The following GABRB1 variants were observed in gnomAD, a reference collection of about 807,000 sequenced individuals.
GABRB1 encodes gamma-aminobutyric acid type A receptor subunit beta1, also known as gamma-aminobutyric acid receptor subunit beta-1.
Under a neutral mutation model 51.6 loss-of-function variants are expected in GABRB1, and 17 were observed. The ratio of observed to expected loss-of-function variants is 0.33; its 90% CI spans 0.23 to 0.49. The LOEUF is 0.49. GABRB1 is among the 20% of genes least tolerant of loss of function. The pLI is 0.99. For synonymous variants in GABRB1, 247 were observed against 218.9 expected (o/e 1.13, Z -1.14); for missense variants, 410 against 600.6 (o/e 0.68, Z 3.32).
chr4:47,306,234 TAAAA>T (rs1303534093), intron 4 of GABRB1, among the ~76,000 whole-genome samples: 1 of 34,084 alleles, frequency 2.9e-5, no homozygotes, highest in East Asian at 5.9e-4. Flanking sequence ...TAAAATAAAA[TAAAA>T]TAAATAACAC....
At chr4:47,023,745 T>C (rs1725003039) in intron 1 of GABRB1, among the ~76,000 whole-genome samples, 1 of 152,024 alleles carries the variant, frequency 6.6e-6, no homozygotes, top group African/African-American at 2.4e-5. Context: ...GATTTCACAT[T>C]GCATGACCAT....
chr4:47,218,399 T>G (rs945509645), intron 4 of GABRB1, among the ~76,000 whole-genome samples: 1 of 151,876 alleles, frequency 6.6e-6, no homozygotes, highest in Non-Finnish European at 1.5e-5. Context: ...TTTAGTTTTT[T>G]GAGAAACCTC....
In GABRB1 at chr4:47,050,287, A is replaced by G. The variant is rs551484278; in HGVS notation, c.240+17803A>G. On this transcript the variant is annotated intron_variant, in intron 3 of 8. Coordinates refer to ENST00000295454, the MANE Select transcript of GABRB1 (RefSeq NM_000812.4). Reference sequence around the variant, plus strand: ...ATTGTGGATTTCACTGAGGTATGAAAATATATAATTTCAGAGTGACTTTGT... The same window carrying G: ...ATTGTGGATTTCACTGAGGTATGAAGATATATAATTTCAGAGTGACTTTGT... Among the ~76,000 whole-genome samples, 12 of 152,276 alleles carry G rather than the reference A, an allele frequency of 7.9e-5. No homozygotes were observed. In the South Asian group the frequency reaches 2.5e-3, roughly 32 times the overall value.
intron 5 of GABRB1, among the ~76,000 whole-genome samples, chr4:47,362,031 T>A (rs1425034946): frequency 6.6e-6 from 1 of 152,084 alleles, no homozygotes; most frequent in Non-Finnish European, 1.5e-5. Context: ...GAGGAAGACC[T>A]AGAACCCAAC....
At position 47,383,345 on chromosome 4, in the gene GABRB1, G is replaced by C. The variant is rs145711934; in HGVS notation, c.545-19973G>C. Among the ~76,000 whole-genome samples the C allele has an allele frequency of 2.8e-4, 43 of 152,268 alleles. 1 individual carries two copies. The highest frequency in any genetic ancestry group is 6.8e-3 in the Middle Eastern group (2 of 294). On this transcript the variant is annotated intron_variant, in intron 5 of 8. Transcript: ENST00000295454. ...TGGAGGTTGTGTGCAATACCTCTGT[G>C]AAAACTCAGGTCAGGGACCACAACT...
At chr4:47,414,940 C>T (rs1031175288) in intron 8 of GABRB1, among the ~76,000 whole-genome samples, 5 of 152,198 alleles carry the variant, frequency 3.3e-5, no homozygotes, top group African/African-American at 1.2e-4. Context: ...TTTGATGAAA[C>T]TTTCACCATC....
intron 3 of GABRB1, among the ~76,000 whole-genome samples, chr4:47,117,716 G>A (rs1174708363): frequency 6.6e-6 from 1 of 152,124 alleles, no homozygotes; most frequent in African/African-American, 2.4e-5. Context: ...ATAAAATACT[G>A]TTGAATTTCA....
At chr4:46,995,066 C>CTTA (rs1723944874) in intron 1 of GABRB1, among the ~76,000 whole-genome samples, 1 of 152,178 alleles carries the variant, frequency 6.6e-6, no homozygotes, top group East Asian at 1.9e-4. Context: ...TCATTCTTTT[C>CTTA]TCATAGACTG....
chr4:47,238,312 CT>C (rs1424329890), intron 4 of GABRB1, among the ~76,000 whole-genome samples: 2 of 151,982 alleles, frequency 1.3e-5, no homozygotes, highest in African/African-American at 4.8e-5. Context: ...GCTTAATATC[CT>C]TTTTTTAAAT....
At chr4:47,095,862 T>C (rs1362529289) in intron 3 of GABRB1, among the ~76,000 whole-genome samples, 1 of 152,212 alleles carries the variant, frequency 6.6e-6, no homozygotes, top group Non-Finnish European at 1.5e-5. Flanking sequence ...CATTACTGTA[T>C]ATTAATTTAA....
intron 4 of GABRB1, among the ~76,000 whole-genome samples, chr4:47,164,344 T>A (rs1718083011): frequency 6.6e-6 from 1 of 152,104 alleles, no homozygotes; most frequent in Non-Finnish European, 1.5e-5. Context: ...ACAGTCTGCA[T>A]TTTTCCTAGG....
At chr4:47,074,211 TA>T (rs1727457907) in intron 3 of GABRB1, among the ~76,000 whole-genome samples, 1 of 152,168 alleles carries the variant, frequency 6.6e-6, no homozygotes, top group Non-Finnish European at 1.5e-5. Context: ...CACTAAAAGA[TA>T]GTATATTAAA....
At chr4:47,064,765 C>A (rs1727003375) in intron 3 of GABRB1, among the ~76,000 whole-genome samples, 1 of 151,790 alleles carries the variant, frequency 6.6e-6, no homozygotes, top group African/African-American at 2.4e-5. Context: ...AGCACCATGA[C>A]TGAAAAGACA....
At chr4:47,230,386 G>T (rs763562393) in intron 4 of GABRB1, among the ~76,000 whole-genome samples, 28 of 152,112 alleles carry the variant, frequency 1.8e-4, no homozygotes, top group Admixed American at 6.6e-5. Flanking sequence ...ATTTGAAAAA[G>T]ACCATCCAAA....
chr4:47,258,967 C>T (rs1400938990), intron 4 of GABRB1, among the ~76,000 whole-genome samples: 3 of 152,088 alleles, frequency 2.0e-5, no homozygotes, highest in Non-Finnish European at 4.4e-5. Flanking sequence ...CAAATTTCTG[C>T]TTGCTGCCTT....
intron 5 of GABRB1, among the ~76,000 whole-genome samples, chr4:47,374,191 A>G (rs1246749421): frequency 6.6e-6 from 1 of 152,246 alleles, no homozygotes; most frequent in African/African-American, 2.4e-5. Flanking sequence ...TCTGCAGGCC[A>G]GCCTGGGCAA....
intron 1 of GABRB1, among the ~76,000 whole-genome samples, chr4:47,023,225 C>A (rs1430112490): frequency 6.6e-6 from 1 of 151,470 alleles, no homozygotes; most frequent in Non-Finnish European, 1.5e-5. Flanking sequence ...TTAACGGATA[C>A]AAAAACAGAA....
chr4:47,402,590 C>A lies in GABRB1; in HGVS notation c.545-728C>A, dbSNP rs150170711. ...AGAGTGAGAAGAGGAAGAGATTAGGCCATCAGCAAAGGGCCTTCATGCTGA... is the reference window on the plus strand; with the variant it reads ...AGAGTGAGAAGAGGAAGAGATTAGGACATCAGCAAAGGGCCTTCATGCTGA... On this transcript the variant is annotated intron_variant, in intron 5 of 8. Transcript: ENST00000295454. Among the ~76,000 whole-genome samples the A allele has an allele frequency of 1.4e-4, 21 of 152,252 alleles. No individual in the cohort carries two copies. The South Asian group carries it at 4.3e-3, about 32-fold the overall frequency.
intron 4 of GABRB1, among the ~76,000 whole-genome samples, chr4:47,215,265 G>A (rs1720510984): frequency 6.6e-6 from 1 of 151,992 alleles, no homozygotes; most frequent in Non-Finnish European, 1.5e-5. Flanking sequence ...AGTCCTAGAT[G>A]TTTTATGGTT....
Sources: allele counts gnomAD v4.1 joint callset (sites outside exome capture counted in the v4.1 genomes callset), GRCh38; gene constraint gnomAD v4.1.1; transcripts MANE v1.5; gene names NCBI Gene and HGNC (gene_info 2026-07-23, HGNC 2026-07-21).